The following DYNLT2B variants were observed in gnomAD, a reference collection of about 807,000 sequenced individuals.
The protein encoded by DYNLT2B is dynein light chain Tctex-type 2B.
DYNLT2B carries 14 observed loss-of-function variants against 19.5 expected under a neutral mutation model. The ratio of observed to expected loss-of-function variants is 0.72; its 90% confidence interval spans 0.47 to 1.12. DYNLT2B has a LOEUF of 1.12. Ranked by LOEUF, DYNLT2B falls within the 50% of genes most tolerant of loss-of-function variation. The pLI, the probability that DYNLT2B is intolerant of heterozygous loss-of-function variation, is 0.00. For synonymous variants in DYNLT2B, 70 were observed against 59.7 expected (o/e 1.17, Z -0.79); for missense variants, 133 against 174.7 (o/e 0.76, Z 1.35).
intron 3 of DYNLT2B, among the ~76,000 whole-genome samples, chr3:196,300,417 G>T (rs1449801880): frequency 6.6e-6 from 1 of 152,092 alleles, no homozygotes; most frequent in Non-Finnish European, 1.5e-5. Context: ...TTGGTTGAAA[G>T]ACTTGGAGGG....
At chr3:196,293,807 G>A (rs1726153349) in intron 4 of DYNLT2B, among the ~76,000 whole-genome samples, 1 of 150,402 alleles carries the variant, frequency 6.6e-6, no homozygotes, top group African/African-American at 2.4e-5. Context: ...ACCACACCTG[G>A]CTAATTTTTG....
chr3:196,299,115 C>T (rs1406454704), intron 3 of DYNLT2B, among the ~76,000 whole-genome samples: 8 of 138,240 alleles, frequency 5.8e-5, no homozygotes, highest in Non-Finnish European at 9.3e-5. Context: ...GATGGAGTTT[C>T]ACTCTGTTGC....
At position 196,306,935 on chromosome 3, in the gene DYNLT2B, C is replaced by G. The variant is rs1726505022; in HGVS notation, c.317+8G>C. ...GACTAAAACAAGAAGGAAAATCCAGCTACTCACAATACTCCTTCACCTCTT... is the reference window on the plus strand; with the variant it reads ...GACTAAAACAAGAAGGAAAATCCAGGTACTCACAATACTCCTTCACCTCTT... On this transcript the variant is annotated splice_region_variant and intron_variant, in intron 3 of 4. Coordinates refer to ENST00000325318, the MANE Select transcript of DYNLT2B (RefSeq NM_152773.5). The G allele has an allele frequency of 1.2e-6, 2 of 1,611,912 alleles. No homozygotes were observed. Among genetic ancestry groups the G allele is most frequent in the Admixed American group, 3.3e-5 (2 of 59,954 alleles).
At chr3:196,307,277 G>C (rs890240833) in intron 2 of DYNLT2B, among the ~76,000 whole-genome samples, 1 of 152,068 alleles carries the variant, frequency 6.6e-6, no homozygotes, top group South Asian at 2.1e-4. Flanking sequence ...ATTGTTATAA[G>C]GTTAGGTAAG....
At chr3:196,295,546 A>C (rs1046624894) in intron 4 of DYNLT2B, among the ~76,000 whole-genome samples, 3 of 152,208 alleles carry the variant, frequency 2.0e-5, no homozygotes, top group Non-Finnish European at 4.4e-5. Context: ...TTACTACTAA[A>C]AAAAAATGAC....
intron 3 of DYNLT2B, among the ~76,000 whole-genome samples, chr3:196,304,499 C>G (rs1465846610): frequency 6.6e-6 from 1 of 151,870 alleles, no homozygotes; most frequent in African/African-American, 2.4e-5. Context: ...AAAAATCAAC[C>G]TGGCTGGGTG....
At chr3:196,301,089 A>T (rs1020645576) in intron 3 of DYNLT2B, among the ~76,000 whole-genome samples, 1 of 152,080 alleles carries the variant, frequency 6.6e-6, no homozygotes, top group Non-Finnish European at 1.5e-5. Flanking sequence ...GATGAATTTA[A>T]GATAGGGCCT....
At chr3:196,313,619 T>C (rs1026279055) in intron 2 of DYNLT2B, among the ~76,000 whole-genome samples, 3 of 152,204 alleles carry the variant, frequency 2.0e-5, no homozygotes, top group Non-Finnish European at 2.9e-5. Context: ...CGATGAACCT[T>C]CATTAAAAAG....
chr3:196,310,929 T>C (rs1577392967), intron 2 of DYNLT2B, among the ~76,000 whole-genome samples: 1 of 151,602 alleles, frequency 6.6e-6, no homozygotes, highest in Non-Finnish European at 1.5e-5. Context: ...AGAGACGAGG[T>C]TTCACCATGT....
chr3:196,301,234 G>C (rs1464702309), intron 3 of DYNLT2B, among the ~76,000 whole-genome samples: 1 of 152,194 alleles, frequency 6.6e-6, no homozygotes, highest in African/African-American at 2.4e-5. Context: ...CAGCAGAAGA[G>C]AGAGTTAAGT....
rs112139752 is a variant in DYNLT2B at position 196,296,120 on chromosome 3, C to T, written c.318-51G>A. The T allele has an allele frequency of 2.1e-4, 305 of 1,454,890 alleles. 1 individual carries two copies. In the African/African-American group the frequency reaches 3.4e-3, roughly 16 times the overall value. 90.1% of individuals were successfully genotyped at this position (1,454,890 alleles called of 1,614,324 possible). A position where few individuals can be genotyped will look rare whatever the true frequency, so the allele number is the denominator to read the frequency against. ...ATCAACAATCTAACAAGGACCTAAA[C>T]GACACATATCTGCCACGAGAAACAG... is the stretch of plus-strand genomic sequence containing the variant. On this transcript the variant is annotated intron_variant, in intron 3 of 4. Coordinates refer to ENST00000325318, the MANE Select transcript of DYNLT2B (RefSeq NM_152773.5).
At position 196,301,307 on chromosome 3, in the gene DYNLT2B, T is replaced by C. The variant is rs892953389; in HGVS notation, c.318-5238A>G. 5.3e-5 allele frequency among the ~76,000 whole-genome samples: 8 copies of C among 152,250 alleles called. 1 individual carries two copies. Among genetic ancestry groups the C allele is most frequent in the Admixed American group, 5.2e-4 (8 of 15,288 alleles). On this transcript the variant is annotated intron_variant, in intron 3 of 4. Coordinates refer to ENST00000325318, the MANE Select transcript of DYNLT2B (RefSeq NM_152773.5). The stretch of plus-strand genomic sequence containing the variant: ...AATTCTTTTAAGCAATATCTAAGAT[T>C]CAAACTAGGCATGCCAAGAGACAAA...
chr3:196,317,895 C>A, intron 1 of DYNLT2B, 145 bp downstream of exon 1: 1 of 354,464 alleles, frequency 2.8e-6, no homozygotes, highest in East Asian at 4.6e-5. Context: ...AGCAGGGCCG[C>A]CCGCCCGCCT....
At chr3:196,301,123 G>T (rs1726343109) in intron 3 of DYNLT2B, among the ~76,000 whole-genome samples, 1 of 152,062 alleles carries the variant, frequency 6.6e-6, no homozygotes, top group Non-Finnish European at 1.5e-5. Flanking sequence ...ACTCTCAGAT[G>T]AGTTGGCACA....
At chr3:196,291,437 C>A in intron 4 of DYNLT2B, 63 bp from the exon 5 acceptor site, 1 of 1,508,712 alleles carries the variant, frequency 6.6e-7, no homozygotes, top group Non-Finnish European at 9.0e-7. Context: ...GGAATGAGAG[C>A]AGCACAGGCA....
chr3:196,317,667 G>A (rs1049686334), intron 1 of DYNLT2B, among the ~76,000 whole-genome samples: 11 of 152,124 alleles, frequency 7.2e-5, no homozygotes, highest in Non-Finnish European at 1.5e-4. Context: ...CCTGGCACCC[G>A]TGTGCACAGT....
chr3:196,317,157 GTGTGTGTGTGTGTGTGTGTGTGTGT>G lies in DYNLT2B; in HGVS notation c.113+858_113+882del. Among the ~76,000 whole-genome samples the G allele has an allele frequency of 7.7e-5, 2 of 26,058 alleles. 1 individual carries two copies. Among genetic ancestry groups the G allele is most frequent in the African/African-American group, 2.9e-4 (2 of 6,826 alleles). The allele number at this position is 26,058 out of a possible 152,430, so 17.1% of individuals were successfully genotyped here. On this transcript the variant is annotated intron_variant, in intron 1 of 4. Coordinates refer to ENST00000325318, the MANE Select transcript of DYNLT2B (RefSeq NM_152773.5). ...CGTGAGCCTGACATTTTTTTTCAGT[GTGTGTGTGTGTGTGTGTGTGTGTGT>G]TGTGTGTGTGTGTGTAAAGTTAGTG...
rs1422770449 is a variant in DYNLT2B at position 196,307,895 on chromosome 3, C to A, written c.248-883G>T. ...AGGAGTTTGAGACAAGCCTGGCCAA[C>A]ATGGTTAAGCCCCGTCTCTACTAAA... On this transcript the variant is annotated intron_variant, in intron 2 of 4. Transcript: ENST00000325318. Among the ~76,000 whole-genome samples the A allele has an allele frequency of 3.3e-5, 5 of 151,606 alleles. No individual in the cohort carries two copies. In the East Asian group the frequency reaches 9.9e-4, roughly 30 times the overall value.
chr3:196,305,176 G>A (rs1189742787), intron 3 of DYNLT2B, among the ~76,000 whole-genome samples: 2 of 152,088 alleles, frequency 1.3e-5, no homozygotes, highest in Non-Finnish European at 2.9e-5. Context: ...GAGCCACCAC[G>A]CCCGGCCCTG....
Sources: gnomAD v4.1 joint callset for allele counts (sites outside exome capture counted in the v4.1 genomes callset) on GRCh38, gnomAD v4.1.1 for gene constraint, MANE v1.5 for transcripts, NCBI Gene and HGNC (gene_info 2026-07-23, HGNC 2026-07-21) for gene names.